Variants in SPATA13 observed in about 807,000 individuals in gnomAD.
The protein encoded by SPATA13 is spermatogenesis-associated protein 13.
A neutral mutation model predicts 104.0 loss-of-function variants in SPATA13; 50 were observed. That is an observed-to-expected ratio of 0.48 (90% CI 0.38 to 0.61). The LOEUF (loss-of-function observed/expected upper bound fraction) is 0.61. SPATA13 is among the 20% of genes least tolerant of loss of function. The pLI is 0.00. For missense variants in SPATA13, 1,524 were observed against 1,690.6 expected (o/e 0.90, Z 1.73); for synonymous variants, 606 against 667.5 (o/e 0.91, Z 1.42).
chr13:24,247,291 T>C (rs942001011), intron 2 of SPATA13, among the ~76,000 whole-genome samples: 1 of 152,114 alleles, frequency 6.6e-6, no homozygotes, highest in African/African-American at 2.4e-5. Context: ...TGACGTGGCA[T>C]TGCAGGAAAA....
At chr13:24,260,506 T>C (rs1874007946) in intron 4 of SPATA13, among the ~76,000 whole-genome samples, 1 of 152,188 alleles carries the variant, frequency 6.6e-6, no homozygotes, top group South Asian at 2.1e-4. Context: ...TGGCAGTTGC[T>C]TTATTATGAT....
At chr13:24,016,773 T>G (rs897086042) in intron 2 of SPATA13, among the ~76,000 whole-genome samples, 2 of 152,236 alleles carry the variant, frequency 1.3e-5, no homozygotes, top group African/African-American at 4.8e-5. Flanking sequence ...TGTGCCCCAG[T>G]TCAGCACTAG....
Position 24,114,392 on chromosome 13 carries a change from T to C in SPATA13, c.-112+96691T>C, listed in dbSNP as rs796533562. ...GCATGTGTGCACATGCGCGTGTGTG[T>C]GCATGTGTGCACACATGTAGAGCCT... is the stretch of plus-strand genomic sequence containing the variant. On this transcript the variant is annotated intron_variant, in intron 3 of 14. Transcript: ENST00000424834. Among the ~76,000 whole-genome samples, 70 of 152,330 alleles carry C rather than the reference T, an allele frequency of 4.6e-4. 1 individual carries two copies. Among genetic ancestry groups the C allele is most frequent in the African/African-American group, 1.7e-3 (69 of 41,578 alleles).
chr13:24,258,376 A>C, intron 4 of SPATA13, among the ~76,000 whole-genome samples: 1 of 151,254 alleles, frequency 6.6e-6, no homozygotes, highest in East Asian at 1.9e-4. Flanking sequence ...AAAAAAAAAA[A>C]AAAAAAAAGG....
intron 1 of SPATA13, among the ~76,000 whole-genome samples, chr13:24,207,622 A>G (rs1870777931): frequency 6.6e-6 from 1 of 152,182 alleles, no homozygotes; most frequent in Admixed American, 6.5e-5. Flanking sequence ...ACAGGCTTCT[A>G]AATAGATGTG....
intron 3 of SPATA13, among the ~76,000 whole-genome samples, chr13:24,055,818 C>T (rs1174013291): frequency 6.6e-6 from 1 of 152,242 alleles, no homozygotes; most frequent in East Asian, 1.9e-4. Flanking sequence ...GCCAAGTGGG[C>T]TCTGTGGAAA....
chr13:23,993,008 T>C (rs1411447211), intron 2 of SPATA13, among the ~76,000 whole-genome samples: 4 of 152,242 alleles, frequency 2.6e-5, no homozygotes, highest in South Asian at 4.1e-4. Context: ...TTCACCAACA[T>C]GCTCTGGGCA....
intron 3 of SPATA13, among the ~76,000 whole-genome samples, chr13:24,024,595 C>A (rs5021765): frequency 0.54 from 81,095 of 151,262 alleles, 21,870 homozygotes; most frequent in Middle Eastern, 0.57. Context: ...AGCTGGCACG[C>A]TGCTGCTGAT....
intron 3 of SPATA13, among the ~76,000 whole-genome samples, chr13:24,068,076 G>C (rs567373622): frequency 6.6e-6 from 1 of 152,198 alleles, no homozygotes; most frequent in East Asian, 1.9e-4. Context: ...TGTATCATGG[G>C]GGTTTGTTGT....
intron 2 of SPATA13, among the ~76,000 whole-genome samples, chr13:23,995,789 G>A (rs530511561): frequency 6.6e-6 from 1 of 152,344 alleles, no homozygotes; most frequent in African/African-American, 2.4e-5. Flanking sequence ...GTAGAGAATG[G>A]TGAGAAGGGC....
In SPATA13 at chr13:24,223,808, C is replaced by T. The variant is rs1161647723; in HGVS notation, c.879C>T (p.Ser293=). ...ARVPQRTLSS[S]STDSQKLGSG... is the part of the protein sequence containing the mutation. ...TACCACAGAGGACCCTGAGCAGTTC[C>T]TCCACTGACTCCCAAAAGCTTGGGT... Residue 293 remains serine, a synonymous_variant, in exon 2 of 13, where the codon TCC becomes TCT. Coordinates refer to ENST00000382108, the MANE Select transcript of SPATA13 (RefSeq NM_001166271.3). 4 of 1,551,698 alleles carry T rather than the reference C, an allele frequency of 2.6e-6. No individual in the cohort carries two copies. The African/African-American group carries it at 5.5e-5, about 21-fold the overall frequency.
intron 3 of SPATA13, among the ~76,000 whole-genome samples, chr13:24,153,795 G>T (rs1426193301): frequency 6.6e-6 from 1 of 152,206 alleles, no homozygotes; most frequent in East Asian, 1.9e-4. Flanking sequence ...AAATTACTGG[G>T]AAGTGGGCTG....
At chr13:24,266,390 T>G (rs567345141) in intron 4 of SPATA13, among the ~76,000 whole-genome samples, 2 of 152,232 alleles carry the variant, frequency 1.3e-5, no homozygotes, top group African/African-American at 4.8e-5. Flanking sequence ...GCTCAAGGGA[T>G]TCTCTCACCT....
chr13:24,275,280 C>A (rs747600683), intron 4 of SPATA13, among the ~76,000 whole-genome samples: 13 of 152,106 alleles, frequency 8.5e-5, no homozygotes, highest in Non-Finnish European at 1.6e-4. Flanking sequence ...TGGGGAAGGA[C>A]CAATGCAGCC....
At chr13:24,182,651 G>A (rs202234252) in intron 1 of SPATA13, among the ~76,000 whole-genome samples, 12 of 152,100 alleles carry the variant, frequency 7.9e-5, no homozygotes, top group Non-Finnish European at 1.0e-4. Flanking sequence ...CCCAGGCCCC[G>A]CTTCAACACT....
chr13:24,191,605 G>A (rs1405292840), intron 1 of SPATA13, among the ~76,000 whole-genome samples: 3 of 139,284 alleles, frequency 2.2e-5, no homozygotes, highest in Admixed American at 1.6e-4. Context: ...TGCCACCTGG[G>A]TTCACGCCAT....
intron 3 of SPATA13, among the ~76,000 whole-genome samples, chr13:24,120,203 A>T (rs577451297): frequency 6.6e-6 from 1 of 151,794 alleles, no homozygotes; most frequent in South Asian, 2.1e-4. Flanking sequence ...CCTCTGAAAA[A>T]AAAATCAGGA....
intron 1 of SPATA13, among the ~76,000 whole-genome samples, chr13:24,166,195 A>G (rs770757979): frequency 1.4e-4 from 22 of 152,234 alleles, no homozygotes; most frequent in Non-Finnish European, 3.1e-4. Context: ...TGTGTACTAG[A>G]TGCTGAAGAT....
chr13:24,265,366 T>C (rs141259642), intron 4 of SPATA13, among the ~76,000 whole-genome samples: 3 of 152,372 alleles, frequency 2.0e-5, no homozygotes, highest in East Asian at 3.9e-4. Flanking sequence ...CTGTGACCTG[T>C]AGATTAATAA....
Sources: allele counts gnomAD v4.1 joint callset (sites outside exome capture counted in the v4.1 genomes callset), GRCh38; gene constraint gnomAD v4.1.1; transcripts MANE v1.5; gene names NCBI Gene and HGNC (gene_info 2026-07-23, HGNC 2026-07-21).